The following TKFC variants were observed in gnomAD, a reference collection of about 807,000 sequenced individuals.
The protein encoded by TKFC is triokinase and FMN cyclase, also known as triokinase/FMN cyclase.
In TKFC, 46 loss-of-function variants were observed where a neutral mutation model predicts 61.0. The ratio of observed to expected loss-of-function variants is 0.75; its 90% CI spans 0.60 to 0.96. The LOEUF (loss-of-function observed/expected upper bound fraction) is 0.96, where lower values mean the gene tolerates loss of function less well. Ranked by LOEUF, TKFC falls within the 50% of genes least tolerant of loss-of-function variation. The probability of loss-of-function intolerance (pLI) is 0.00; values close to 1 mark genes in which losing one functional copy is unlikely to be tolerated. For synonymous variants in TKFC, 314 were observed against 330.1 expected, an observed-to-expected ratio of 0.95 and a Z score of 0.53; for missense variants, 715 against 777.5, an observed-to-expected ratio of 0.92 and a Z score of 0.96.
intron 14 of TKFC, 22 bp downstream of exon 14, chr11:61,345,388 G>A (rs775422185): frequency 6.3e-7 from 1 of 1,598,390 alleles, no homozygotes; most frequent in Non-Finnish European, 8.6e-7. Flanking sequence ...GGGGCTGAAG[G>A]GCTGACAGGG....
Position 61,334,613 on chromosome 11 carries a change from C to G in TKFC, c.-109-7C>G, listed in dbSNP as rs1856524937. ...TCCGCAGCTTGTATCGTTACCCACT[C>G]CTGCAGGTGCTGCTGCTGCCTCCAC... On this transcript the variant is annotated splice_polypyrimidine_tract_variant and splice_region_variant and intron_variant, in intron 1 of 17. Transcript: ENST00000394900. 1.4e-6 allele frequency: 2 copies of G among 1,382,538 alleles called. No homozygotes were observed. The highest frequency in any genetic ancestry group is 2.0e-6 in the Non-Finnish European group (2 of 980,974). The allele number at this position is 1,382,538 out of a possible 1,614,324, so 85.6% of individuals were successfully genotyped here.
rs747416450 is a variant in TKFC, at chr11:61,345,246, C to T, written c.1241-14C>T. ...AGGATCTCTGAATTCCTCCCCATCT[C>T]TCTCTGCCTGCAGCAATCCAGGAGT... On this transcript the variant is annotated splice_polypyrimidine_tract_variant and intron_variant, in intron 13 of 17. Coordinates refer to ENST00000394900, the MANE Select transcript of TKFC (RefSeq NM_015533.4). 1 of 1,529,446 alleles carries T rather than the reference C, an allele frequency of 6.5e-7. No homozygotes were observed. 94.7% of individuals were successfully genotyped at this position (1,529,446 alleles called of 1,614,324 possible).
At chr11:61,343,156 G>T (rs1400351172) in intron 10 of TKFC, 186 bp from the exon 11 acceptor site, 1 of 628,456 alleles carries the variant, frequency 1.6e-6, no homozygotes, top group Non-Finnish European at 2.8e-6. Context: ...CATCTTCCCC[G>T]ACGTAGGGGA....
chr11:61,334,676 C>T lies in TKFC; in HGVS notation c.-53C>T. 1 of 1,613,626 alleles carries T rather than the reference C, an allele frequency of 6.2e-7. No individual in the cohort carries two copies. The highest frequency in any genetic ancestry group is 8.5e-7 in the Non-Finnish European group (1 of 1,179,752). On this transcript the variant is annotated 5_prime_UTR_variant, in exon 2 of 18. Coordinates refer to ENST00000394900, the MANE Select transcript of TKFC (RefSeq NM_015533.4). ...CAGGTAGCACAGGATTGTCCATCCT[C>T]CAGCAGCTCAGTGCAACGGTGTGAA...
rs554152765 is a variant in TKFC, at chr11:61,343,941, G to C, written c.1068G>C (p.Glu356Asp). ...GRKRSRVAPA[E>D]PQEAPDSTAA... ...AGCGGAGCCGGGTAGCCCCTGCCGA[G>C]CCCCAGGAGGCCCCTGATTCCACTG... The change falls in exon 12 of 18, where the codon GAG becomes GAC. Residue 356 changes from glutamate (E) to aspartate (D), a missense_variant. Physicochemically the swap from Glu to Asp is conservative, Grantham distance 45. Transcript: ENST00000394900. The C allele has an allele frequency of 6.8e-6, 11 of 1,611,482 alleles. No homozygotes were observed. The highest frequency in any genetic ancestry group is 7.6e-6 in the Non-Finnish European group (9 of 1,179,992).
chr11:61,352,496 C>T (rs972062906), downstream of TKFC: 11 of 167,322 alleles, frequency 6.6e-5, no homozygotes, highest in Admixed American at 2.2e-4. Flanking sequence ...CCCGTCCCTA[C>T]TAAAAATTCA....
rs960029524 is a variant in TKFC at position 61,346,989 on chromosome 11, A to G, written c.*486A>G. ...CAAGGGGGCCCACAGCCCTGGCTGCAGGCATCATGACCCATCTTCTACCAG... is the reference window on the plus strand; with the variant it reads ...CAAGGGGGCCCACAGCCCTGGCTGCGGGCATCATGACCCATCTTCTACCAG... On this transcript the variant is annotated 3_prime_UTR_variant, in exon 18 of 18. Coordinates refer to ENST00000394900, the MANE Select transcript of TKFC (RefSeq NM_015533.4). The surrounding 1 kb of genome is among the most constrained non-coding windows in gnomAD (Gnocchi z 4.1). 9 of 987,128 alleles carry G rather than the reference A, an allele frequency of 9.1e-6. No individual in the cohort carries two copies. The African/African-American group carries it at 1.4e-4, about 15-fold the overall frequency. 61.1% of individuals were successfully genotyped at this position (987,128 alleles called of 1,614,324 possible). A position where few individuals can be genotyped will look rare whatever the true frequency, so the allele number is the denominator to read the frequency against.
At position 61,343,885 on chromosome 11, in the gene TKFC, A is replaced by G. The variant is rs1194120028; in HGVS notation, c.1012A>G (p.Asn338Asp). The G allele has an allele frequency of 6.2e-7, 1 of 1,610,876 alleles. No individual in the cohort carries two copies. Among genetic ancestry groups the G allele is most frequent in the East Asian group, 2.2e-5 (1 of 44,882 alleles). Reference protein sequence around the residue: ...DAETTAAAWPNVAAVSITGRK... With the variant: ...DAETTAAAWPDVAAVSITGRK... ...TGAAACCACTGCAGCAGCCTGGCCT[A>G]ACGTGGCTGCAGTCTCCATTACTGG... is the stretch of plus-strand genomic sequence containing the variant. The change falls in exon 12 of 18, where the codon AAC becomes GAC. Residue 338 changes from asparagine to aspartate, a missense_variant. Physicochemically the swap from Asn to Asp is conservative, Grantham distance 23. Coordinates refer to ENST00000394900, the MANE Select transcript of TKFC (RefSeq NM_015533.4).
chr11:61,346,703 C>T lies in TKFC; in HGVS notation c.*200C>T, dbSNP rs2135068754. ...GAGTGAGCTGGAGTGGGTCCCCATGCCTCTCCAGCATGCCCTTTCCCTTTG... is the reference window on the plus strand; with the variant it reads ...GAGTGAGCTGGAGTGGGTCCCCATGTCTCTCCAGCATGCCCTTTCCCTTTG... On this transcript the variant is annotated 3_prime_UTR_variant, in exon 18 of 18. Transcript: ENST00000394900. This position sits in a 1 kb window ranked among gnomAD's most constrained non-coding sequence, Gnocchi z 4.1. 1.5e-6 allele frequency: 2 copies of T among 1,371,996 alleles called. No individual in the cohort carries two copies. The highest frequency in any genetic ancestry group is 3.7e-5 in the South Asian group (2 of 54,322). 85.0% of individuals were successfully genotyped at this position (1,371,996 alleles called of 1,614,324 possible).
rs1337310540 is a variant in TKFC, at chr11:61,339,086, C to T, written c.214C>T (p.Leu72=). 6.2e-7 allele frequency: 1 copy of T among 1,613,182 alleles called. No individual in the cohort carries two copies. Among genetic ancestry groups the T allele is most frequent in the Admixed American group, 1.7e-5 (1 of 60,010 alleles). Residue 72 remains leucine, a synonymous_variant, in exon 4 of 18, where the codon CTG becomes TTG. Coordinates refer to ENST00000394900, the MANE Select transcript of TKFC (RefSeq NM_015533.4). ...AHAGFIGKGM[L]TGVIAGAVFT... Reference sequence around the variant, plus strand: ...TCCAGGTTTCATAGGGAAGGGGATGCTGACTGGGGTCATCGCGGGAGCTGT... The same window carrying T: ...TCCAGGTTTCATAGGGAAGGGGATGTTGACTGGGGTCATCGCGGGAGCTGT...
rs1180529984 is a variant in TKFC at position 61,343,985 on chromosome 11, C to T, written c.1102+10C>T. 7 of 1,610,066 alleles carry T rather than the reference C, an allele frequency of 4.3e-6. No individual in the cohort carries two copies. Among genetic ancestry groups the T allele is most frequent in the Non-Finnish European group, 5.1e-6 (6 of 1,179,452 alleles). On this transcript the variant is annotated intron_variant, in intron 12 of 17. Transcript: ENST00000394900. Reference sequence around the variant, plus strand: ...TCCACTGCTGCAGGAGGTACCAACCCCTGCCTTTGGGGAAGGGACAGGCTT... The same window carrying T: ...TCCACTGCTGCAGGAGGTACCAACCTCTGCCTTTGGGGAAGGGACAGGCTT...
intron 2 of TKFC, 70 bp downstream of exon 2, chr11:61,334,801 T>C: frequency 2.5e-6 from 4 of 1,609,206 alleles, no homozygotes; most frequent in Admixed American, 1.7e-5. Context: ...TTGGGCAAGC[T>C]AAAGCTCCTT....
At position 61,339,134 on chromosome 11, in the gene TKFC, A is replaced by G; in HGVS notation, c.262A>G (p.Ser88Gly). 6.2e-7 allele frequency: 1 copy of G among 1,613,814 alleles called. No homozygotes were observed. Among genetic ancestry groups the G allele is most frequent in the Non-Finnish European group, 8.5e-7 (1 of 1,180,008 alleles). Reference sequence around the variant, plus strand: ...TGTGTTCACCTCCCCGGCAGTGGGCAGCATCCTGGCAGCCATCAGGGCCGT... The same window carrying G: ...TGTGTTCACCTCCCCGGCAGTGGGCGGCATCCTGGCAGCCATCAGGGCCGT... ...GAVFTSPAVGSILAAIRAVAQ... is the reference protein window; with the variant it reads ...GAVFTSPAVGGILAAIRAVAQ... Residue 88 changes from serine (S) to glycine (G), a missense_variant, in exon 4 of 18, where the codon AGC becomes GGC. By Grantham distance (56) the Ser-to-Gly change is moderately conservative. Coordinates refer to ENST00000394900, the MANE Select transcript of TKFC (RefSeq NM_015533.4).
chr11:61,342,000 G>GGGAGAGGACCAGGTTGA, intron 7 of TKFC, 88 bp downstream of exon 7: 1 of 1,290,258 alleles, frequency 7.8e-7, no homozygotes, highest in Non-Finnish European at 1.1e-6. Context: ...CATCAACCTG[G>GGGAGAGGACCAGGTTGA]TCCTCTCCCC....
In TKFC at chr11:61,340,326, C is replaced by CTT. The variant is rs979912056; in HGVS notation, c.486+929_486+930dup. Among the ~76,000 whole-genome samples, 14 of 2,664 alleles carry CTT rather than the reference C, an allele frequency of 5.3e-3. 4 individuals carry two copies. The highest frequency in any genetic ancestry group is 5.9e-3 in the African/African-American group (14 of 2,388). The allele number at this position is 2,664 out of a possible 152,430, so 1.7% of individuals were successfully genotyped here. A position where few individuals can be genotyped will look rare whatever the true frequency, so the allele number is the denominator to read the frequency against. On this transcript the variant is annotated intron_variant, in intron 5 of 17. Coordinates refer to ENST00000394900, the MANE Select transcript of TKFC (RefSeq NM_015533.4). ...CGCGCCCAGCCATCCCTGCCTTCCT[C>CTT]TTTTTTTTTTTTTTTTTTTTTTTTT...
intron 13 of TKFC, 106 bp from the exon 14 acceptor site, chr11:61,345,154 A>G (rs1471763711): frequency 1.1e-6 from 1 of 940,434 alleles, no homozygotes; most frequent in Non-Finnish European, 1.6e-6. Context: ...GGAAGCCTTC[A>G]TTCCACTTCC....
intron 3 of TKFC, 58 bp downstream of exon 3, chr11:61,338,188 G>A (rs1856696301): frequency 6.9e-7 from 1 of 1,451,736 alleles, no homozygotes; most frequent in Non-Finnish European, 9.1e-7. Context: ...CCTCCTGGGG[G>A]ATCCTTAGTG....
intron 5 of TKFC, among the ~76,000 whole-genome samples, chr11:61,340,200 T>C (rs1320140537): frequency 1.3e-5 from 2 of 151,870 alleles, no homozygotes; most frequent in African/African-American, 4.8e-5. Flanking sequence ...TTAGTAGAGA[T>C]GTGGTTTCAC....
In TKFC at chr11:61,343,866, C is replaced by T. The variant is rs1420398663; in HGVS notation, c.993C>T (p.Thr331=). The T allele has an allele frequency of 2.5e-6, 4 of 1,609,232 alleles. No homozygotes were observed. The South Asian group carries it at 3.3e-5, about 13-fold the overall frequency. Residue 331 remains threonine (T), a synonymous_variant, in exon 12 of 18, where the codon ACC becomes ACT. Coordinates refer to ENST00000394900, the MANE Select transcript of TKFC (RefSeq NM_015533.4). ...EPLLKLIDAE[T]TAAAWPNVAA... ...TCTTGCTGCCCTTAGATGCTGAAAC[C>T]ACTGCAGCAGCCTGGCCTAACGTGG... is the stretch of plus-strand genomic sequence containing the variant.
Sources: gnomAD v4.1 joint callset for allele counts (sites outside exome capture counted in the v4.1 genomes callset) on GRCh38, gnomAD v4.1.1 for gene constraint, Gnocchi (gnomAD v3.1) non-coding constraint, MANE v1.5 for transcripts, NCBI Gene and HGNC (gene_info 2026-07-23, HGNC 2026-07-21) for gene names.